SYT16: variants seen among roughly 807,000 people sequenced by gnomAD.
SYT16 encodes the protein synaptotagmin-16.
A neutral mutation model predicts 61.4 loss-of-function variants in SYT16; 42 were observed. That is an observed-to-expected ratio of 0.68 (90% CI 0.53 to 0.89). The LOEUF (loss-of-function observed/expected upper bound fraction) is 0.89. SYT16 is among the 40% of genes least tolerant of loss of function. The pLI is 0.00. For missense variants in SYT16, 804 were observed against 807.3 expected, an observed-to-expected ratio of 1.00 and a Z score of 0.05; for synonymous variants, 314 against 302.3, an observed-to-expected ratio of 1.04 and a Z score of -0.40.
intron 3 of SYT16, among the ~76,000 whole-genome samples, chr14:62,028,843 A>T (rs185203739): frequency 1.3e-5 from 2 of 152,220 alleles, no homozygotes; most frequent in African/African-American, 4.8e-5. Flanking sequence ...CAATTAATTT[A>T]TAACTATGAA....
intron 2 of SYT16, among the ~76,000 whole-genome samples, chr14:61,983,369 C>T (rs2052167077): frequency 6.6e-6 from 1 of 152,064 alleles, no homozygotes; most frequent in Non-Finnish European, 1.5e-5. Flanking sequence ...ATTTTGGGCA[C>T]TTTGAGGTTT....
At chr14:61,981,120 A>G (rs2052055987) in intron 2 of SYT16, among the ~76,000 whole-genome samples, 1 of 152,194 alleles carries the variant, frequency 6.6e-6, no homozygotes, top group Admixed American at 6.5e-5. Flanking sequence ...CTGCTGCACA[A>G]TTCCTTCTTG....
intron 3 of SYT16, among the ~76,000 whole-genome samples, chr14:62,007,221 T>A (rs2053260366): frequency 6.6e-6 from 1 of 152,190 alleles, no homozygotes; most frequent in Non-Finnish European, 1.5e-5. Flanking sequence ...CTACTGCATG[T>A]CAAATGTTGC....
intron 1 of SYT16, among the ~76,000 whole-genome samples, chr14:61,815,246 A>G (rs1266972947): frequency 6.6e-6 from 1 of 152,222 alleles, no homozygotes; most frequent in South Asian, 2.1e-4. Flanking sequence ...TGAGGAAGTG[A>G]CAGGTGAGAG....
At chr14:61,907,601 C>T (rs35693214) in intron 1 of SYT16, among the ~76,000 whole-genome samples, 26,237 of 152,162 alleles carry the variant, frequency 0.17, 2,717 homozygotes, top group East Asian at 0.33. Flanking sequence ...GTGTGGGCCT[C>T]TCCACAGGGC....
intron 2 of SYT16, among the ~76,000 whole-genome samples, chr14:61,977,334 C>T (rs1442941466): frequency 2.6e-5 from 4 of 152,172 alleles, no homozygotes; most frequent in African/African-American, 9.7e-5. Flanking sequence ...AATTTTCATA[C>T]TGCTATAAAG....
chr14:61,875,119 T>G (rs979276251), intron 1 of SYT16, among the ~76,000 whole-genome samples: 4 of 152,206 alleles, frequency 2.6e-5, no homozygotes, highest in African/African-American at 9.6e-5. Flanking sequence ...ACAATTGCCA[T>G]GAGATTCATA....
intron 4 of SYT16, among the ~76,000 whole-genome samples, chr14:62,070,476 A>G (rs910558390): frequency 1.4e-4 from 21 of 152,112 alleles, no homozygotes; most frequent in Admixed American, 3.9e-4. Flanking sequence ...CTAAATTTAC[A>G]TTTCACAAAG....
At chr14:61,922,739 T>A (rs141268531) in intron 1 of SYT16, among the ~76,000 whole-genome samples, 127 of 152,248 alleles carry the variant, frequency 8.3e-4, no homozygotes, top group Admixed American at 1.7e-3. Context: ...GCAATGAAAC[T>A]AGTGTTACAA....
intron 7 of SYT16, among the ~76,000 whole-genome samples, chr14:62,088,006 A>G (rs1452488743): frequency 6.6e-6 from 1 of 152,196 alleles, no homozygotes; most frequent in Admixed American, 6.5e-5. Context: ...TGGAGAATAC[A>G]TTCTTGGTGT....
chr14:62,008,938 G>A (rs2053334906), intron 3 of SYT16, among the ~76,000 whole-genome samples: 1 of 152,012 alleles, frequency 6.6e-6, no homozygotes, highest in Admixed American at 6.6e-5. Flanking sequence ...ATCTCTTTGA[G>A]CACATATACT....
intron 7 of SYT16, among the ~76,000 whole-genome samples, chr14:62,087,191 G>A (rs994079391): frequency 3.3e-5 from 5 of 152,212 alleles, no homozygotes; most frequent in Admixed American, 2.6e-4. Context: ...GAGGGGACAC[G>A]AGTTTTATGA....
intron 3 of SYT16, among the ~76,000 whole-genome samples, chr14:62,064,571 A>C (rs1257085428): frequency 1.3e-5 from 2 of 152,184 alleles, no homozygotes; most frequent in Non-Finnish European, 2.9e-5. Flanking sequence ...GATAAAACAC[A>C]GTTGCATCCA....
intron 1 of SYT16, among the ~76,000 whole-genome samples, chr14:61,906,635 C>T (rs2048720876): frequency 6.6e-6 from 1 of 152,106 alleles, no homozygotes. Context: ...CTTCTTGCTC[C>T]TAGCTGTGAT....
intron 3 of SYT16, among the ~76,000 whole-genome samples, chr14:62,058,812 A>T (rs2055688144): frequency 6.6e-6 from 1 of 152,178 alleles, no homozygotes; most frequent in African/African-American, 2.4e-5. Flanking sequence ...AAAGACATGG[A>T]ATCAGCCTAA....
At chr14:62,020,454 A>G (rs1399257097) in intron 3 of SYT16, among the ~76,000 whole-genome samples, 1 of 152,146 alleles carries the variant, frequency 6.6e-6, no homozygotes, top group Non-Finnish European at 1.5e-5. Context: ...TCTTTAGAAT[A>G]GTTCCTAAAG....
At chr14:61,875,091 A>G (rs1028855735) in intron 1 of SYT16, among the ~76,000 whole-genome samples, 1 of 152,212 alleles carries the variant, frequency 6.6e-6, no homozygotes, top group Non-Finnish European at 1.5e-5. Flanking sequence ...GGCGTACTAA[A>G]TCAGTCTACA....
chr14:62,072,364 C>T (rs1007275278), intron 4 of SYT16, among the ~76,000 whole-genome samples: 2 of 152,056 alleles, frequency 1.3e-5, no homozygotes, highest in African/African-American at 4.8e-5. Context: ...CATGTACATG[C>T]AAACACCTGC....
intron 1 of SYT16, among the ~76,000 whole-genome samples, chr14:61,956,024 C>G (rs890767688): frequency 1.3e-5 from 2 of 151,868 alleles, no homozygotes; most frequent in African/African-American, 4.8e-5. Context: ...GAGGTGATAT[C>G]TCATGGTGGT....
Sources: allele counts gnomAD v4.1 joint callset (sites outside exome capture counted in the v4.1 genomes callset), GRCh38; gene constraint gnomAD v4.1.1; transcripts MANE v1.5; gene names NCBI Gene and HGNC (gene_info 2026-07-23, HGNC 2026-07-21).